CDH13: variants seen among roughly 807,000 people sequenced by gnomAD.
The protein encoded by CDH13 is cadherin-13.
Under a neutral mutation model 63.8 loss-of-function variants are expected in CDH13, and 24 were observed. That is an observed-to-expected ratio of 0.38 (90% CI 0.27 to 0.53). The LOEUF is 0.53. CDH13 is among the 20% of genes least tolerant of loss of function. The pLI, the probability that CDH13 is intolerant of heterozygous loss-of-function variation, is 0.85. For synonymous variants in CDH13, 503 were observed against 355.3 expected (o/e 1.42, Z -4.67); for missense variants, 1,049 against 903.1 (o/e 1.16, Z -2.07).
intron 7 of CDH13, among the ~76,000 whole-genome samples, chr16:83,590,076 G>A (rs531991345): frequency 6.6e-6 from 1 of 152,176 alleles, no homozygotes; most frequent in Admixed American, 6.5e-5. Context: ...ACTGAGTGAG[G>A]AGAACAAACA....
intron 1 of CDH13, among the ~76,000 whole-genome samples, chr16:82,638,220 C>T (rs1908927162): frequency 6.6e-6 from 1 of 152,156 alleles, no homozygotes; most frequent in Admixed American, 6.5e-5. Flanking sequence ...CAGGCCTTCA[C>T]TAGGAAATGT....
intron 1 of CDH13, among the ~76,000 whole-genome samples, chr16:82,698,721 T>C (rs1210025562): frequency 4.6e-5 from 7 of 152,196 alleles, no homozygotes; most frequent in Admixed American, 4.6e-4. Flanking sequence ...AATAGCTCCA[T>C]GGCACAGGGG....
chr16:83,794,648 C>A (rs192186266), intron 13 of CDH13, among the ~76,000 whole-genome samples: 12 of 148,842 alleles, frequency 8.1e-5, no homozygotes, highest in Non-Finnish European at 1.6e-4. Flanking sequence ...TATATAGTCA[C>A]AGGAAGTCGA....
intron 2 of CDH13, among the ~76,000 whole-genome samples, chr16:82,910,278 C>G (rs1244037043): frequency 6.6e-6 from 1 of 152,184 alleles, no homozygotes; most frequent in Non-Finnish European, 1.5e-5. Flanking sequence ...CCTATTCTGG[C>G]CGATACTCAT....
chr16:83,713,122 T>C (rs1191971486), intron 10 of CDH13, among the ~76,000 whole-genome samples: 1 of 152,202 alleles, frequency 6.6e-6, no homozygotes, highest in Admixed American at 6.5e-5. Flanking sequence ...TGTTTGAGCC[T>C]CCATCTCTAC....
At chr16:83,351,940 G>A (rs1025749231) in intron 6 of CDH13, among the ~76,000 whole-genome samples, 49 of 152,264 alleles carry the variant, frequency 3.2e-4, no homozygotes, top group African/African-American at 1.1e-3. Context: ...AAGTTTTTGT[G>A]GTCATTTCAC....
intron 4 of CDH13, among the ~76,000 whole-genome samples, chr16:83,171,178 A>C (rs1024951078): frequency 6.6e-6 from 1 of 152,110 alleles, no homozygotes; most frequent in Non-Finnish European, 1.5e-5. Flanking sequence ...GTGGAAGGCA[A>C]AGGGGAAGCA....
intron 3 of CDH13, among the ~76,000 whole-genome samples, chr16:83,107,148 G>T (rs944797035): frequency 6.6e-6 from 1 of 152,122 alleles, no homozygotes; most frequent in African/African-American, 2.4e-5. Context: ...CCTACATTAG[G>T]TTATTTTTTT....
chr16:82,631,646 G>C (rs1054934919), intron 1 of CDH13, among the ~76,000 whole-genome samples: 1 of 152,212 alleles, frequency 6.6e-6, no homozygotes, highest in Admixed American at 6.5e-5. Context: ...CCTCAGGTAT[G>C]AACAGGCTGC....
intron 1 of CDH13, among the ~76,000 whole-genome samples, chr16:82,769,888 A>T (rs1399245254): frequency 6.6e-6 from 1 of 152,232 alleles, no homozygotes; most frequent in African/African-American, 2.4e-5. Context: ...TCAGAGAGGA[A>T]ATTTGATTTC....
At chr16:83,323,239 T>TTTCTTTCTTTCTTTCC (rs1337850244) in intron 5 of CDH13, among the ~76,000 whole-genome samples, 107 of 110,822 alleles carry the variant, frequency 9.7e-4, no homozygotes, top group East Asian at 1.1e-3. Context: ...TCTTTCTTTC[T>TTTCTTTCTTTCTTTCC]TTCCTTCCTT....
chr16:83,593,990 C>T (rs1328662041), intron 7 of CDH13, among the ~76,000 whole-genome samples: 1 of 152,208 alleles, frequency 6.6e-6, no homozygotes, highest in Non-Finnish European at 1.5e-5. Context: ...AGTTTCCCTG[C>T]TCAGGAATCT....
chr16:83,650,523 G>C (rs1324174604), intron 8 of CDH13, among the ~76,000 whole-genome samples: 4 of 152,182 alleles, frequency 2.6e-5, no homozygotes, highest in Non-Finnish European at 5.9e-5. Context: ...ATCTTAGCTG[G>C]ATTAGTGGTT....
chr16:83,310,237 C>G (rs2089970104), intron 5 of CDH13, among the ~76,000 whole-genome samples: 1 of 152,032 alleles, frequency 6.6e-6, no homozygotes, highest in Non-Finnish European at 1.5e-5. Flanking sequence ...TATTCCCTGT[C>G]AAATTAGGTA....
intron 1 of CDH13, among the ~76,000 whole-genome samples, chr16:82,793,127 C>T (rs1307510986): frequency 6.6e-6 from 1 of 152,214 alleles, no homozygotes; most frequent in African/African-American, 2.4e-5. Flanking sequence ...ACAAGTGGCC[C>T]ATGAAATGGA....
At chr16:83,299,140 T>G (rs1464572311) in intron 5 of CDH13, among the ~76,000 whole-genome samples, 3 of 152,202 alleles carry the variant, frequency 2.0e-5, no homozygotes, top group Non-Finnish European at 4.4e-5. Flanking sequence ...TTTTGCAACC[T>G]GTTTTATCTA....
chr16:82,982,739 C>T (rs553406037), intron 2 of CDH13, among the ~76,000 whole-genome samples: 18 of 152,292 alleles, frequency 1.2e-4, no homozygotes, highest in South Asian at 2.1e-4. Context: ...TACAAGTAAA[C>T]GCATCACAAT....
chr16:83,010,193 T>A (rs560372614), intron 2 of CDH13, among the ~76,000 whole-genome samples: 1 of 143,196 alleles, frequency 7.0e-6, no homozygotes, highest in East Asian at 2.1e-4. Flanking sequence ...GCCAAAAATC[T>A]GCATTTCTAA....
intron 13 of CDH13, 29 bp downstream of exon 13, chr16:83,783,501 C>G: frequency 3.2e-6 from 5 of 1,560,048 alleles, no homozygotes; most frequent in South Asian, 2.2e-5. Context: ...AGTGCATGCA[C>G]AAACAGGAAA....
Sources: allele counts gnomAD v4.1 joint callset (sites outside exome capture counted in the v4.1 genomes callset), GRCh38; gene constraint gnomAD v4.1.1; transcripts MANE v1.5; gene names NCBI Gene and HGNC (gene_info 2026-07-23, HGNC 2026-07-21).